The following ERAP1 variants were observed in gnomAD, a reference collection of about 807,000 sequenced individuals.
The protein encoded by ERAP1 is endoplasmic reticulum aminopeptidase 1.
ERAP1 carries 86 observed loss-of-function variants against 103.7 expected under a neutral mutation model. The observed-to-expected ratio is 0.83, with a 90% CI of 0.70 to 0.99. The LOEUF is 0.99. Among genes scored for constraint, ERAP1 ranks in the 50% least tolerant of loss-of-function variants. The pLI is 0.00. For synonymous variants in ERAP1, 398 were observed against 402.4 expected, an observed-to-expected ratio of 0.99 and a Z score of 0.13; for missense variants, 1,009 against 1,128.4, an observed-to-expected ratio of 0.89 and a Z score of 1.52.
chr5:96,808,317 G>C (rs549882411), upstream of ERAP1: 1 of 615,484 alleles, frequency 1.6e-6, no homozygotes, highest in African/African-American at 2.1e-5. Context: ...CGTTGCGAGG[G>C]TTAGGGGCAT....
the ERAP1 span, among the ~76,000 whole-genome samples, chr5:96,875,028 G>C: frequency 6.6e-6 from 1 of 152,184 alleles, no homozygotes; most frequent in Non-Finnish European, 1.5e-5. Flanking sequence ...TCTGTAAATG[G>C]GGAAATCAAG....
At chr5:96,787,441 T>A (rs899219497) in intron 11 of ERAP1, among the ~76,000 whole-genome samples, 1 of 152,108 alleles carries the variant, frequency 6.6e-6, no homozygotes, top group Non-Finnish European at 1.5e-5. Context: ...AATTTTTGTA[T>A]TTTTAGTAGA....
At chr5:96,767,121 AG>A (rs1233312861) in intron 19 of ERAP1, among the ~76,000 whole-genome samples, 1 of 152,252 alleles carries the variant, frequency 6.6e-6, no homozygotes, top group African/African-American at 2.4e-5. Context: ...TAAAAACACA[AG>A]TAACTTTTTA....
Position 96,781,195 on chromosome 5 carries a change from T to C in ERAP1, c.2451A>G (p.Leu817=), listed in dbSNP as rs756581508. The C allele has an allele frequency of 5.0e-6, 8 of 1,612,118 alleles. No individual in the cohort carries two copies. Among genetic ancestry groups the C allele is most frequent in the Non-Finnish European group, 6.8e-6 (8 of 1,179,046 alleles). ...RTQNKEKLQW[L]LDESFKGDKI... ...TATCTCCCTTAAAGCTTTCATCTAG[T>C]AGCCTAGAAGGATTAAGAAAAGAAA... is the stretch of plus-strand genomic sequence containing the variant. Residue 817 remains leucine, a synonymous_variant, in exon 17 of 19, where the codon CTA becomes CTG. Coordinates refer to ENST00000443439, the MANE Select transcript of ERAP1 (RefSeq NM_001040458.3).
At chr5:96,834,875 T>C in the ERAP1 span, among the ~76,000 whole-genome samples, 4 of 152,358 alleles carry the variant, frequency 2.6e-5, no homozygotes, top group South Asian at 6.2e-4. Flanking sequence ...AAAGAAACAC[T>C]GCATAATACT....
chr5:96,878,281 G>C, the ERAP1 span, among the ~76,000 whole-genome samples: 1 of 152,154 alleles, frequency 6.6e-6, no homozygotes, highest in East Asian at 1.9e-4. Flanking sequence ...CATGGCTTTT[G>C]ACATATTGAA....
the ERAP1 span, among the ~76,000 whole-genome samples, chr5:96,831,633 T>G: frequency 6.6e-6 from 1 of 152,236 alleles, no homozygotes; most frequent in East Asian, 1.9e-4. Context: ...GTCTTATCCA[T>G]AGCATCTCTC....
chr5:96,897,160 C>A, the ERAP1 span, among the ~76,000 whole-genome samples: 1 of 152,126 alleles, frequency 6.6e-6, no homozygotes, highest in African/African-American at 2.4e-5. Flanking sequence ...GTTGTAATTT[C>A]TACCATATAA....
At chr5:96,818,398 G>T in the ERAP1 span, among the ~76,000 whole-genome samples, 1 of 149,634 alleles carries the variant, frequency 6.7e-6, no homozygotes, top group Non-Finnish European at 1.5e-5. Flanking sequence ...GCCCAGGATT[G>T]TTCTGGCTGA....
chr5:96,901,662 T>TGGA, the ERAP1 span: 1 of 1,613,894 alleles, frequency 6.2e-7, no homozygotes, highest in Non-Finnish European at 8.5e-7. Flanking sequence ...AGACCCTGAA[T>TGGA]GGAGGGCCCT....
the ERAP1 span, among the ~76,000 whole-genome samples, chr5:96,850,496 C>T: frequency 6.6e-6 from 1 of 152,182 alleles, no homozygotes; most frequent in African/African-American, 2.4e-5. Flanking sequence ...ACATGTTCAA[C>T]ATCACTAATC....
the ERAP1 span, among the ~76,000 whole-genome samples, chr5:96,922,742 A>T: frequency 6.6e-6 from 1 of 152,242 alleles, no homozygotes; most frequent in African/African-American, 2.4e-5. Context: ...TCAAGCAACA[A>T]TGAATAAGTT....
intron 15 of ERAP1, 22 bp downstream of exon 15, chr5:96,783,029 T>G: frequency 6.8e-6 from 11 of 1,613,086 alleles, no homozygotes; most frequent in Non-Finnish European, 8.5e-6. Flanking sequence ...ATCAACAAAT[T>G]GGTTATTTAG....
chr5:96,839,286 GCCAGTCT>G, the ERAP1 span, among the ~76,000 whole-genome samples: 2 of 152,214 alleles, frequency 1.3e-5, no homozygotes, highest in Non-Finnish European at 2.9e-5. Context: ...ATTGATTGAA[GCCAGTCT>G]CCAGCTCCCC....
At chr5:96,847,892 T>C in the ERAP1 span, among the ~76,000 whole-genome samples, 1 of 152,100 alleles carries the variant, frequency 6.6e-6, no homozygotes, top group African/African-American at 2.4e-5. Flanking sequence ...CAATCTGATG[T>C]TGTACCTCAG....
chr5:96,862,870 T>G, the ERAP1 span, among the ~76,000 whole-genome samples: 9 of 152,268 alleles, frequency 5.9e-5, no homozygotes, highest in South Asian at 2.1e-4. Flanking sequence ...AGAAAAGGTC[T>G]CATTTTGACC....
the ERAP1 span, among the ~76,000 whole-genome samples, chr5:96,854,857 A>G: frequency 6.6e-6 from 1 of 152,218 alleles, no homozygotes; most frequent in East Asian, 1.9e-4. Context: ...TTAAAATACT[A>G]TCCAAGGGTA....
chr5:96,916,174 T>A, the ERAP1 span, among the ~76,000 whole-genome samples: 3 of 150,536 alleles, frequency 2.0e-5, no homozygotes, highest in Non-Finnish European at 2.9e-5. Flanking sequence ...TGAGCTGAGA[T>A]CACACCACTG....
At chr5:96,794,171 CTTTTTTT>C (rs35041937) in intron 5 of ERAP1, among the ~76,000 whole-genome samples, 3,252 of 68,590 alleles carry the variant, frequency 0.047, 61 homozygotes, top group East Asian at 0.17. Flanking sequence ...CATCTCAGGC[CTTTTTTT>C]TTTTTTTTTT....
Sources: allele counts gnomAD v4.1 joint callset (sites outside exome capture counted in the v4.1 genomes callset), GRCh38; gene constraint gnomAD v4.1.1; transcripts MANE v1.5; gene names NCBI Gene and HGNC (gene_info 2026-07-23, HGNC 2026-07-21).